DDB1: variants seen among roughly 807,000 people sequenced by gnomAD.
The protein encoded by DDB1 is damage specific DNA binding protein 1, also known as DNA damage-binding protein 1.
DDB1 carries 18 observed loss-of-function variants against 133.1 expected under a neutral mutation model. The ratio of observed to expected loss-of-function variants is 0.14; its 90% confidence interval spans 0.09 to 0.20. The LOEUF (loss-of-function observed/expected upper bound fraction) is 0.20. Ranked by LOEUF, DDB1 falls within the 10% of genes least tolerant of loss-of-function variation. The pLI is 1.00. For synonymous variants in DDB1, 580 were observed against 550.5 expected, an observed-to-expected ratio of 1.05 and a Z score of -0.75; for missense variants, 828 against 1,459.2, an observed-to-expected ratio of 0.57 and a Z score of 7.05.
intron 8 of DDB1, 50 bp downstream of exon 8, chr11:61,322,961 A>C (rs1856207616): frequency 6.8e-7 from 1 of 1,473,932 alleles, no homozygotes; most frequent in South Asian, 1.2e-5. Flanking sequence ...AATTTGATGA[A>C]GAAACAGTGA....
At chr11:61,329,930 T>C (rs1188245809) in intron 3 of DDB1, 28 bp downstream of exon 3, 1 of 1,584,022 alleles carries the variant, frequency 6.3e-7, no homozygotes, top group Non-Finnish European at 8.6e-7. Flanking sequence ...CTTAGAAAAC[T>C]TTCATTGGCC....
intron 25 of DDB1, chr11:61,301,911 C>G (rs1032968382): frequency 5.3e-6 from 1 of 189,022 alleles, no homozygotes; most frequent in African/African-American, 2.3e-5. Flanking sequence ...CACTGTTGCC[C>G]TCAACCAAAT....
chr11:61,320,204 TTTC>T (rs1856157136), intron 10 of DDB1, among the ~76,000 whole-genome samples: 1 of 151,746 alleles, frequency 6.6e-6, no homozygotes, highest in Admixed American at 6.6e-5. Context: ...CTTTTCTTTT[TTTC>T]TTTTTTTTTT....
chr11:61,324,240 G>T, intron 6 of DDB1, 103 bp from the exon 7 acceptor site: 1 of 1,270,528 alleles, frequency 7.9e-7, no homozygotes, highest in Non-Finnish European at 1.1e-6. Flanking sequence ...CATTTTACCA[G>T]CAGACAAATC....
chr11:61,326,002 C>T (rs1456227230), intron 5 of DDB1: 1 of 481,122 alleles, frequency 2.1e-6, no homozygotes, highest in Non-Finnish European at 3.8e-6. Flanking sequence ...CATTTTTCTT[C>T]TCAACTTCTA....
chr11:61,312,491 CCT>C lies in DDB1; in HGVS notation c.2070-409_2070-408del, dbSNP rs1327011375. ...GCATCTGCATTTCTTTCTTTTCTTT[CCT>C]CTCTCTCTCTCTCTTTTTTTTTTTT... On this transcript the variant is annotated intron_variant, in intron 16 of 26. Coordinates refer to ENST00000301764, the MANE Select transcript of DDB1 (RefSeq NM_001923.5). Among the ~76,000 whole-genome samples the C allele has an allele frequency of 7.2e-3, 1,065 of 148,034 alleles. 22 individuals carry two copies. The highest frequency in any genetic ancestry group is 0.026 in the African/African-American group (1,012 of 39,286).
chr11:61,303,621 G>A (rs746412448), intron 22 of DDB1, among the ~76,000 whole-genome samples: 2 of 147,792 alleles, frequency 1.4e-5, no homozygotes, highest in Non-Finnish European at 3.0e-5. Context: ...GGAGAATGGC[G>A]TGAACCTGGG....
At chr11:61,322,556 G>T in intron 8 of DDB1, 144 bp from the exon 9 acceptor site, 1 of 674,798 alleles carries the variant, frequency 1.5e-6, no homozygotes, top group Non-Finnish European at 2.6e-6. Flanking sequence ...TTCCAGAAGG[G>T]GACTATTGAC....
rs1374283152 is a variant in DDB1, at chr11:61,314,503, TG to T, written c.1411-18del. ...TGAAGTGATCTAGATAAACAGCAGA[TG>T]AACAAATGTCTCCAAGCATCTGCCA... On this transcript the variant is annotated intron_variant, in intron 12 of 26. Coordinates refer to ENST00000301764, the MANE Select transcript of DDB1 (RefSeq NM_001923.5). The T allele has an allele frequency of 6.3e-7, 1 of 1,598,088 alleles. No individual in the cohort carries two copies. The highest frequency in any genetic ancestry group is 8.5e-7 in the Non-Finnish European group (1 of 1,172,078).
intron 4 of DDB1, among the ~76,000 whole-genome samples, chr11:61,328,731 C>T (rs1485623969): frequency 1.3e-5 from 2 of 152,002 alleles, no homozygotes; most frequent in African/African-American, 4.8e-5. Flanking sequence ...ATTAGCTGGG[C>T]GTGGTGGCAT....
At chr11:61,316,598 A>C in intron 10 of DDB1, 31 bp from the exon 11 acceptor site, 3 of 1,610,544 alleles carry the variant, frequency 1.9e-6, no homozygotes, top group Non-Finnish European at 2.5e-6. Flanking sequence ...TCAGATGCAT[A>C]GGACAGACCA....
chr11:61,326,572 G>A (rs1424768187), intron 5 of DDB1, among the ~76,000 whole-genome samples: 1 of 152,034 alleles, frequency 6.6e-6, no homozygotes, highest in Non-Finnish European at 1.5e-5. Context: ...TTATACTTTT[G>A]GGGGGAGAAG....
chr11:61,321,783 C>A, intron 9 of DDB1, 86 bp from the exon 10 acceptor site: 1 of 1,186,378 alleles, frequency 8.4e-7, no homozygotes, highest in Non-Finnish European at 1.3e-6. Context: ...CACGGTATAC[C>A]TAAATCCAAG....
In DDB1 at chr11:61,300,967, G is replaced by C. The variant is rs767842191; in HGVS notation, c.3216-35C>G. 3.1e-6 allele frequency: 5 copies of C among 1,611,698 alleles called. No individual in the cohort carries two copies. The African/African-American group carries it at 6.7e-5, about 22-fold the overall frequency. On this transcript the variant is annotated intron_variant, in intron 25 of 26. Coordinates refer to ENST00000301764, the MANE Select transcript of DDB1 (RefSeq NM_001923.5). Reference sequence around the variant, plus strand: ...TGAGTTAAGGAACACGTGCTTATCAGGAAACACCCTCCTCAGTCATCCCCA... The same window carrying C: ...TGAGTTAAGGAACACGTGCTTATCACGAAACACCCTCCTCAGTCATCCCCA...
chr11:61,315,586 T>C (rs1856049397), intron 12 of DDB1: 1 of 152,230 alleles, frequency 6.6e-6, no homozygotes, highest in South Asian at 2.1e-4. Context: ...GGCACTCCAG[T>C]GCCCTACCCA....
intron 23 of DDB1, 143 bp from the exon 24 acceptor site, chr11:61,302,894 G>C: frequency 7.7e-7 from 1 of 1,300,496 alleles, no homozygotes; most frequent in Admixed American, 2.1e-5. Flanking sequence ...CTAAAGAGGT[G>C]GATTTCTGTC....
intron 16 of DDB1, among the ~76,000 whole-genome samples, chr11:61,312,506 CT>C (rs954501705): frequency 0.015 from 1,796 of 120,038 alleles, 23 homozygotes; most frequent in African/African-American, 0.052. Context: ...CTCTCTCTCT[CT>C]TTTTTTTTTT....
Position 61,300,167 on chromosome 11 carries a change from T to G in DDB1, c.3392A>C (p.Lys1131Thr). 6.2e-7 allele frequency: 1 copy of G among 1,614,180 alleles called. No individual in the cohort carries two copies. The highest frequency in any genetic ancestry group is 8.5e-7 in the Non-Finnish European group (1 of 1,180,026). The change falls in exon 27 of 27, where the codon AAG (lysine) becomes ACG (threonine). Residue 1131 changes from lysine to threonine, a missense_variant. Coordinates refer to ENST00000301764, the MANE Select transcript of DDB1 (RefSeq NM_001923.5). The stretch of plus-strand genomic sequence containing the variant: ...GATCCGAGTTAGCTCCTCCACAACC[T>G]TGATGAGGTCGTCTGCAGTGGCCTC... ...KREATADDLI[K>T]VVEELTRIH
intron 23 of DDB1, 51 bp downstream of exon 23, chr11:61,302,995 C>T: frequency 6.5e-7 from 1 of 1,535,578 alleles, no homozygotes; most frequent in Non-Finnish European, 9.0e-7. Flanking sequence ...CCACCAGAGA[C>T]CAAGGAACTC....
Sources: gnomAD v4.1 joint callset for allele counts (sites outside exome capture counted in the v4.1 genomes callset) on GRCh38, gnomAD v4.1.1 for gene constraint, MANE v1.5 for transcripts, NCBI Gene and HGNC (gene_info 2026-07-23, HGNC 2026-07-21) for gene names.